SPMIP2: variants seen among roughly 807,000 people sequenced by gnomAD.
The protein encoded by SPMIP2 is sperm microtubule inner protein 2.
chr4:158,910,885 G>C, the SPMIP2 span, among the ~76,000 whole-genome samples: 4 of 152,078 alleles, frequency 2.6e-5, no homozygotes, highest in Non-Finnish European at 5.9e-5. Flanking sequence ...TCTCCTACAT[G>C]CACAACACAC....
the SPMIP2 span, among the ~76,000 whole-genome samples, chr4:158,974,672 T>C: frequency 6.7e-4 from 102 of 152,322 alleles, no homozygotes; most frequent in African/African-American, 2.4e-3. Context: ...TATTGCATGG[T>C]ATATATGTGC....
At chr4:158,911,456 A>T in the SPMIP2 span, among the ~76,000 whole-genome samples, 1 of 152,174 alleles carries the variant, frequency 6.6e-6, no homozygotes, top group Non-Finnish European at 1.5e-5. Flanking sequence ...TCATCACCAG[A>T]TAATTCTGTG....
chr4:158,964,617 TTGAC>T, the SPMIP2 span, among the ~76,000 whole-genome samples: 2 of 152,344 alleles, frequency 1.3e-5, no homozygotes, highest in South Asian at 2.1e-4. Context: ...AAAAAATTCT[TTGAC>T]TGGCTATTTT....
chr4:158,951,547 T>C, the SPMIP2 span, among the ~76,000 whole-genome samples: 5 of 152,314 alleles, frequency 3.3e-5, no homozygotes, highest in East Asian at 9.6e-4. Flanking sequence ...GAAGAATGAA[T>C]GTTAAATTCC....
the SPMIP2 span, among the ~76,000 whole-genome samples, chr4:158,896,183 G>A: frequency 6.6e-6 from 1 of 152,188 alleles, no homozygotes; most frequent in Non-Finnish European, 1.5e-5. Context: ...ATAAGATGCT[G>A]AAGTCACAAG....
chr4:158,945,984 G>A, the SPMIP2 span, among the ~76,000 whole-genome samples: 1 of 151,992 alleles, frequency 6.6e-6, no homozygotes, highest in Non-Finnish European at 1.5e-5. Context: ...CTGTTCCCTC[G>A]GTAAACCTGG....
At chr4:158,927,803 G>A in the SPMIP2 span, among the ~76,000 whole-genome samples, 1 of 152,236 alleles carries the variant, frequency 6.6e-6, no homozygotes. Context: ...GGAGCAGCCG[G>A]CGGGCCCTGC....
chr4:159,059,616 A>C, the SPMIP2 span, among the ~76,000 whole-genome samples: 1 of 152,138 alleles, frequency 6.6e-6, no homozygotes, highest in Non-Finnish European at 1.5e-5. Context: ...CAAGGGATCC[A>C]CCAGCCTCAG....
chr4:159,046,356 C>T, the SPMIP2 span, among the ~76,000 whole-genome samples: 1 of 152,218 alleles, frequency 6.6e-6, no homozygotes, highest in South Asian at 2.1e-4. Context: ...TCTGCCCCAT[C>T]GTGTTTGCTA....
At chr4:159,008,692 T>C in the SPMIP2 span, among the ~76,000 whole-genome samples, 1 of 152,244 alleles carries the variant, frequency 6.6e-6, no homozygotes, top group African/African-American at 2.4e-5. Context: ...ACTATGTTCA[T>C]TTTCATGTTA....
chr4:159,050,107 A>G, the SPMIP2 span, among the ~76,000 whole-genome samples: 2 of 152,184 alleles, frequency 1.3e-5, no homozygotes, highest in Non-Finnish European at 2.9e-5. Flanking sequence ...AGGGGAAGCC[A>G]TGAAAATAAA....
the SPMIP2 span, among the ~76,000 whole-genome samples, chr4:158,922,063 T>C: frequency 2.6e-5 from 4 of 152,068 alleles, no homozygotes; most frequent in Non-Finnish European, 5.9e-5. Context: ...AATTTTTTTG[T>C]ATTTTTAGTA....
the SPMIP2 span, among the ~76,000 whole-genome samples, chr4:158,921,215 G>T: frequency 2.6e-5 from 4 of 152,286 alleles, no homozygotes; most frequent in African/African-American, 9.6e-5. Flanking sequence ...AAGACAGGCA[G>T]ATCACCAGAG....
At chr4:158,931,869 GA>G in the SPMIP2 span, among the ~76,000 whole-genome samples, 1 of 151,776 alleles carries the variant, frequency 6.6e-6, no homozygotes, top group Non-Finnish European at 1.5e-5. Flanking sequence ...AGCAACTCCA[GA>G]ATTTTTAAAA....
At chr4:158,991,989 T>G in the SPMIP2 span, among the ~76,000 whole-genome samples, 8 of 152,198 alleles carry the variant, frequency 5.3e-5, no homozygotes, top group Non-Finnish European at 8.8e-5. Flanking sequence ...CCACCTGGGC[T>G]CCAGGGATCC....
the SPMIP2 span, among the ~76,000 whole-genome samples, chr4:158,895,245 C>T: frequency 4.6e-5 from 7 of 152,162 alleles, no homozygotes; most frequent in East Asian, 1.9e-4. Context: ...GACCTGTTCC[C>T]GTCAGTCTCC....
the SPMIP2 span, among the ~76,000 whole-genome samples, chr4:158,931,910 G>T: frequency 6.6e-6 from 1 of 151,982 alleles, no homozygotes; most frequent in South Asian, 2.1e-4. Flanking sequence ...GATACCCTCT[G>T]CTTGATAAAA....
the SPMIP2 span, among the ~76,000 whole-genome samples, chr4:159,020,574 T>G: frequency 6.6e-6 from 1 of 152,170 alleles, no homozygotes; most frequent in African/African-American, 2.4e-5. Context: ...GGGAGTCTTT[T>G]CCTTTCCAGT....
chr4:158,993,244 G>A, the SPMIP2 span, among the ~76,000 whole-genome samples: 1 of 151,990 alleles, frequency 6.6e-6, no homozygotes, highest in Non-Finnish European at 1.5e-5. Flanking sequence ...GCATGCCCGG[G>A]TAGTCCCAGC....
Sources: allele counts gnomAD v4.1 joint callset (sites outside exome capture counted in the v4.1 genomes callset), GRCh38; gene constraint gnomAD v4.1.1; transcripts MANE v1.5; gene names NCBI Gene and HGNC (gene_info 2026-07-23, HGNC 2026-07-21).